The following PPP1R42 variants were observed in gnomAD, a reference collection of about 807,000 sequenced individuals.
The protein encoded by PPP1R42 is leucine rich repeat containing 67.
Under a neutral mutation model 31.0 loss-of-function variants are expected in PPP1R42, and 34 were observed. The ratio of observed to expected loss-of-function variants is 1.10; its 90% CI spans 0.83 to 1.46. PPP1R42 has a LOEUF of 1.46. Among genes scored for constraint, PPP1R42 ranks in the 40% most tolerant of loss-of-function variants. The pLI is 0.00. For missense variants in PPP1R42, 268 were observed against 303.0 expected, an observed-to-expected ratio of 0.88 and a Z score of 0.86; for synonymous variants, 103 against 109.8, an observed-to-expected ratio of 0.94 and a Z score of 0.39.
intron 5 of PPP1R42, among the ~76,000 whole-genome samples, chr8:66,999,224 A>AT (rs988347061): frequency 3.2e-4 from 47 of 148,938 alleles, no homozygotes; most frequent in African/African-American, 9.9e-4. Context: ...TGCCTGGCTA[A>AT]TTTTTTTTTT....
In PPP1R42 at chr8:66,985,375, C is replaced by T. The variant is rs1421806680; in HGVS notation, c.670+3025G>A. On this transcript the variant is annotated intron_variant, in intron 6 of 7. Transcript: ENST00000685739. Reference sequence around the variant, plus strand: ...GGTTCCCTCCGAAGAGGGAACAGCACGAATATTGGCAGGAGTAGACATGCA... The same window carrying T: ...GGTTCCCTCCGAAGAGGGAACAGCATGAATATTGGCAGGAGTAGACATGCA... The T allele has an allele frequency of 2.1e-5, 16 of 749,224 alleles. No individual in the cohort carries two copies. In the South Asian group the frequency reaches 2.2e-4, roughly 10 times the overall value. 46.4% of individuals were successfully genotyped at this position (749,224 alleles called of 1,614,324 possible).
chr8:67,003,415 A>T (rs1815570359), intron 5 of PPP1R42, among the ~76,000 whole-genome samples: 1 of 138,584 alleles, frequency 7.2e-6, no homozygotes, highest in Non-Finnish European at 1.5e-5. Context: ...TTTTTTCCAC[A>T]AGACTACATC....
intron 1 of PPP1R42, among the ~76,000 whole-genome samples, chr8:67,027,213 C>T (rs1311721489): frequency 6.6e-6 from 1 of 152,044 alleles, no homozygotes; most frequent in Non-Finnish European, 1.5e-5. Flanking sequence ...TTTTCAAGTG[C>T]TTTTATCTAA....
At chr8:67,017,243 G>A (rs1026811490) in intron 2 of PPP1R42, among the ~76,000 whole-genome samples, 5 of 152,148 alleles carry the variant, frequency 3.3e-5, no homozygotes, top group Admixed American at 1.3e-4. Context: ...GAAGGCCAAG[G>A]CAGGCGGATC....
intron 5 of PPP1R42, among the ~76,000 whole-genome samples, chr8:66,993,522 G>A (rs950464373): frequency 6.6e-6 from 1 of 152,192 alleles, no homozygotes; most frequent in Non-Finnish European, 1.5e-5. Context: ...GGCACATGCT[G>A]TTTTATTTGC....
intron 5 of PPP1R42, among the ~76,000 whole-genome samples, chr8:66,992,736 A>T (rs144326949): frequency 6.6e-6 from 1 of 152,262 alleles, no homozygotes; most frequent in East Asian, 1.9e-4. Context: ...TTATACTTAG[A>T]CCCTTTATAG....
In PPP1R42 at chr8:67,014,588, T is replaced by C; in HGVS notation, c.134A>G (p.Asp45Gly). 1 of 1,523,616 alleles carries C rather than the reference T, an allele frequency of 6.6e-7. No homozygotes were observed. The highest frequency in any genetic ancestry group is 2.3e-5 in the East Asian group (1 of 42,842). The allele number at this position is 1,523,616 out of a possible 1,614,324, so 94.4% of individuals were successfully genotyped here. Residue 45 changes from aspartate (D) to glycine (G), a missense_variant, in exon 3 of 8, where the codon GAC becomes GGC. Asp to Gly is a moderately conservative substitution (Grantham distance 94). Coordinates refer to ENST00000685739, the MANE Select transcript of PPP1R42 (RefSeq NM_001364910.1). Reference sequence around the variant, plus strand: ...ACTAAGATTTTTGCAAAGAGAGAGGTCTTCCTAAAAGGGAAACAAAAACAT... The same window carrying C: ...ACTAAGATTTTTGCAAAGAGAGAGGCCTTCCTAAAAGGGAAACAAAAACAT... ...FSDKNIDAIEDLSLCKNLSVL... is the reference protein window; with the variant it reads ...FSDKNIDAIEGLSLCKNLSVL...
chr8:67,004,226 T>C (rs1018213022), intron 5 of PPP1R42, among the ~76,000 whole-genome samples: 6 of 152,232 alleles, frequency 3.9e-5, no homozygotes, highest in Non-Finnish European at 7.3e-5. Flanking sequence ...ACATCCCCTC[T>C]GAATGCCGCA....
intron 7 of PPP1R42, among the ~76,000 whole-genome samples, chr8:66,965,263 CAA>C (rs35319935): frequency 0.029 from 1,960 of 66,546 alleles, 28 homozygotes; most frequent in African/African-American, 0.085. Context: ...GACTCCGTCT[CAA>C]AAAAAAAAAA....
At chr8:67,022,386 C>T (rs1252423069) in intron 1 of PPP1R42, among the ~76,000 whole-genome samples, 1 of 152,162 alleles carries the variant, frequency 6.6e-6, no homozygotes, top group Admixed American at 6.6e-5. Context: ...AGAACACACA[C>T]ACATTTCTAT....
At chr8:67,014,001 A>G (rs1229962696) in intron 3 of PPP1R42, among the ~76,000 whole-genome samples, 1 of 152,198 alleles carries the variant, frequency 6.6e-6, no homozygotes, top group Non-Finnish European at 1.5e-5. Flanking sequence ...GATCAATTAT[A>G]TGACGCAGAT....
In PPP1R42 at chr8:67,010,720, C is replaced by T; in HGVS notation, c.547G>A (p.Val183Met). 1 of 1,576,058 alleles carries T rather than the reference C, an allele frequency of 6.3e-7. No homozygotes were observed. The highest frequency in any genetic ancestry group is 8.7e-7 in the Non-Finnish European group (1 of 1,153,732). The change falls in exon 5 of 8, where the codon GTG (valine) becomes ATG (methionine). Residue 183 changes from valine to methionine, a missense_variant. Physicochemically the swap from Val to Met is conservative, Grantham distance 21 (BLOSUM62 1). Coordinates refer to ENST00000685739, the MANE Select transcript of PPP1R42 (RefSeq NM_001364910.1). ...TTAATTTCTCTTTACACTACCTTCA[C>T]ATGCAGAAGTTGGTTGTCAACGGCT... The part of the protein sequence containing the change: ...LIAVDNQLLH[V>M]KDLEFLLNKL...
At chr8:66,968,410 C>T in intron 7 of PPP1R42, 3 of 945,412 alleles carry the variant, frequency 3.2e-6, no homozygotes, top group Non-Finnish European at 3.8e-6. Context: ...ATACCTTTAG[C>T]TTTTTGGAAG....
rs7835587 is a variant in PPP1R42 at position 66,983,963 on chromosome 8, A to G, written c.671-1783T>C. On this transcript the variant is annotated intron_variant, in intron 6 of 7. Transcript: ENST00000685739. ...AATCATACGCACATAAGGGGAATAA[A>G]GGGCAACACCAGGCTGACTGGGGAA... Among the ~76,000 whole-genome samples, 510 of 152,340 alleles carry G rather than the reference A, an allele frequency of 3.3e-3. 4 individuals are homozygous for G. Among genetic ancestry groups the G allele is most frequent in the African/African-American group, 0.012 (488 of 41,580 alleles).
At chr8:66,994,786 TTAA>T (rs1815289945) in intron 5 of PPP1R42, among the ~76,000 whole-genome samples, 1 of 152,232 alleles carries the variant, frequency 6.6e-6, no homozygotes. Flanking sequence ...CATTTGAATA[TTAA>T]TTTTAAATTT....
At chr8:66,967,687 A>G (rs1308951877) in intron 7 of PPP1R42, among the ~76,000 whole-genome samples, 1 of 152,236 alleles carries the variant, frequency 6.6e-6, no homozygotes, top group African/African-American at 2.4e-5. Flanking sequence ...ATAAATAGCT[A>G]AATAATATAC....
chr8:67,025,544 G>GTT lies in PPP1R42; in HGVS notation c.-85+2945_-85+2946dup, dbSNP rs112945724. On this transcript the variant is annotated intron_variant, in intron 1 of 7. Coordinates refer to ENST00000685739, the MANE Select transcript of PPP1R42 (RefSeq NM_001364910.1). ...AAAATCTTACCTCTTCCATCTTAGG[G>GTT]TTTTTTTTTTTTTTGTGGCTGAGCC... is the stretch of plus-strand genomic sequence containing the variant. 2.2e-3 allele frequency among the ~76,000 whole-genome samples: 306 copies of GTT among 141,402 alleles called. 4 individuals carry two copies. Among genetic ancestry groups the GTT allele is most frequent in the African/African-American group, 7.2e-3 (279 of 38,998 alleles). The allele number at this position is 141,402 out of a possible 152,430, so 92.8% of individuals were successfully genotyped here.
intron 6 of PPP1R42, chr8:66,985,498 T>A (rs1246210612): frequency 4.3e-5 from 49 of 1,136,870 alleles, no homozygotes; most frequent in Middle Eastern, 2.0e-4. Context: ...TAACTCCCCC[T>A]TTGGGGAAGC....
At chr8:67,016,231 T>C (rs1239571633) in intron 2 of PPP1R42, among the ~76,000 whole-genome samples, 1 of 152,234 alleles carries the variant, frequency 6.6e-6, no homozygotes, top group Non-Finnish European at 1.5e-5. Context: ...GGGGCATTAG[T>C]ATTTCTTTCA....
Sources: gnomAD v4.1 joint callset for allele counts (sites outside exome capture counted in the v4.1 genomes callset) on GRCh38, gnomAD v4.1.1 for gene constraint, MANE v1.5 for transcripts, NCBI Gene and HGNC (gene_info 2026-07-23, HGNC 2026-07-21) for gene names.